The following CACNA2D3 variants were observed in gnomAD, a reference collection of about 807,000 sequenced individuals.
CACNA2D3 encodes the protein calcium voltage-gated channel auxiliary subunit alpha2delta 3.
CACNA2D3 carries 60 observed loss-of-function variants against 160.6 expected under a neutral mutation model. The observed-to-expected ratio is 0.37, with a 90% confidence interval of 0.30 to 0.46. The LOEUF is 0.46. Ranked by LOEUF, CACNA2D3 falls within the 20% of genes least tolerant of loss-of-function variation. The pLI, the probability that CACNA2D3 is intolerant of heterozygous loss-of-function variation, is 1.00. For missense variants in CACNA2D3, 1,205 were observed against 1,365.0 expected (o/e 0.88, Z 1.85); for synonymous variants, 558 against 492.9 (o/e 1.13, Z -1.75).
intron 2 of CACNA2D3, among the ~76,000 whole-genome samples, chr3:54,153,115 C>T (rs936720195): frequency 6.6e-6 from 1 of 152,154 alleles, no homozygotes; most frequent in African/African-American, 2.4e-5. Flanking sequence ...ATGTGCAGGG[C>T]ACAGGGTATC....
intron 2 of CACNA2D3, among the ~76,000 whole-genome samples, chr3:54,275,971 T>C (rs1370701497): frequency 6.6e-6 from 1 of 152,146 alleles, no homozygotes; most frequent in African/African-American, 2.4e-5. Context: ...GCAGGTTCTT[T>C]TAATACTAAT....
At chr3:54,865,172 A>G (rs1271338076) in intron 17 of CACNA2D3, among the ~76,000 whole-genome samples, 1 of 152,256 alleles carries the variant, frequency 6.6e-6, no homozygotes, top group Non-Finnish European at 1.5e-5. Flanking sequence ...TGAAAAGTGA[A>G]AACAGTAACT....
intron 4 of CACNA2D3, among the ~76,000 whole-genome samples, chr3:54,436,852 G>A (rs764676782): frequency 1.3e-5 from 2 of 152,042 alleles, no homozygotes; most frequent in African/African-American, 4.8e-5. Context: ...CCTAGATGAC[G>A]GGTTGATACA....
chr3:54,811,600 C>T (rs774475343), intron 13 of CACNA2D3, among the ~76,000 whole-genome samples: 11 of 150,280 alleles, frequency 7.3e-5, no homozygotes, highest in Admixed American at 3.3e-4. Context: ...CAGGTACAAG[C>T]GATTCTCCTG....
chr3:54,185,943 C>T (rs544554010), intron 2 of CACNA2D3, among the ~76,000 whole-genome samples: 1 of 152,280 alleles, frequency 6.6e-6, no homozygotes, highest in South Asian at 2.1e-4. Flanking sequence ...GCATCTCTCC[C>T]TCAGAGGTTT....
At chr3:54,245,312 T>G (rs541933034) in intron 2 of CACNA2D3, among the ~76,000 whole-genome samples, 6 of 151,996 alleles carry the variant, frequency 3.9e-5, no homozygotes, top group South Asian at 4.1e-4. Context: ...TGTATGGGTG[T>G]GTGTGTGTGT....
At chr3:54,675,768 A>C (rs1275326179) in intron 11 of CACNA2D3, among the ~76,000 whole-genome samples, 3 of 152,192 alleles carry the variant, frequency 2.0e-5, no homozygotes, top group Non-Finnish European at 2.9e-5. Context: ...TACTGCTTCT[A>C]GTGCACCCCT....
chr3:54,673,419 T>C (rs599573), intron 11 of CACNA2D3, among the ~76,000 whole-genome samples: 125,908 of 152,132 alleles, frequency 0.83, 53,970 homozygotes, highest in Non-Finnish European at 0.94. Context: ...CCCAAACTTA[T>C]CTGATCAGGA....
Position 55,073,865 on chromosome 3 carries a change from T to G in CACNA2D3, c.3183+6T>G, listed in dbSNP as rs542512707. ...GTCATGGCTTCCATCCTGAGGTAAG[T>G]CTGAGAACTGTTCCTGTTTCCTTTT... On this transcript the variant is annotated splice_donor_region_variant and intron_variant, in intron 37 of 37. Coordinates refer to ENST00000474759, the MANE Select transcript of CACNA2D3 (RefSeq NM_018398.3). 1 of 1,610,642 alleles carries G rather than the reference T, an allele frequency of 6.2e-7. No individual in the cohort carries two copies. Among genetic ancestry groups the G allele is most frequent in the South Asian group, 1.1e-5 (1 of 90,856 alleles).
intron 27 of CACNA2D3, among the ~76,000 whole-genome samples, chr3:54,967,357 C>T (rs886941242): frequency 1.3e-5 from 2 of 152,060 alleles, no homozygotes; most frequent in African/African-American, 2.4e-5. Flanking sequence ...TATAGTGGCA[C>T]GCAAAATTTT....
intron 29 of CACNA2D3, among the ~76,000 whole-genome samples, 185 bp from the exon 30 acceptor site, chr3:54,984,423 C>G (rs376933083): frequency 2.6e-5 from 4 of 152,048 alleles, no homozygotes; most frequent in African/African-American, 9.7e-5. Context: ...AAGTAAACAC[C>G]GGGGTTATCT....
At chr3:54,228,236 T>A (rs762332781) in intron 2 of CACNA2D3, among the ~76,000 whole-genome samples, 6 of 152,172 alleles carry the variant, frequency 3.9e-5, no homozygotes, top group Non-Finnish European at 8.8e-5. Context: ...AAGGTTCAGT[T>A]TGGCTTCCTT....
intron 11 of CACNA2D3, among the ~76,000 whole-genome samples, chr3:54,727,794 A>G (rs1701306342): frequency 6.6e-6 from 1 of 152,156 alleles, no homozygotes; most frequent in Admixed American, 6.5e-5. Flanking sequence ...ACATTAGGAG[A>G]AATACCTAAT....
intron 37 of CACNA2D3, 27 bp from the exon 38 acceptor site, chr3:55,074,087 C>G: frequency 6.3e-7 from 1 of 1,596,582 alleles, no homozygotes; most frequent in South Asian, 1.1e-5. Flanking sequence ...CTATTTCCGT[C>G]TAACCAACCC....
At chr3:54,769,851 CTT>C (rs778051669) in intron 13 of CACNA2D3, among the ~76,000 whole-genome samples, 1 of 152,090 alleles carries the variant, frequency 6.6e-6, no homozygotes, top group Non-Finnish European at 1.5e-5. Flanking sequence ...TAACGATACT[CTT>C]TAATTCTTTG....
intron 2 of CACNA2D3, among the ~76,000 whole-genome samples, chr3:54,157,074 A>T (rs1398608584): frequency 6.6e-6 from 1 of 152,202 alleles, no homozygotes; most frequent in Non-Finnish European, 1.5e-5. Flanking sequence ...CTGGAAGTCC[A>T]AGGTCAAGGT....
intron 4 of CACNA2D3, among the ~76,000 whole-genome samples, chr3:54,498,818 AT>A (rs1235966677): frequency 1.3e-5 from 2 of 151,628 alleles, no homozygotes; most frequent in Non-Finnish European, 2.9e-5. Flanking sequence ...TTCCCATGTC[AT>A]TTTTTTCCTT....
At chr3:54,993,022 C>T (rs182008453) in intron 31 of CACNA2D3, among the ~76,000 whole-genome samples, 2 of 152,248 alleles carry the variant, frequency 1.3e-5, no homozygotes, top group Non-Finnish European at 2.9e-5. Context: ...TGAGCACTCA[C>T]TCACTATCAC....
rs1449114812 is a variant in CACNA2D3, at chr3:54,321,754, G to A, written c.321+1196G>A. On this transcript the variant is annotated intron_variant, in intron 3 of 37. Transcript: ENST00000474759. Reference sequence around the variant, plus strand: ...CGCCTTGCTTTCAGTGTCCTGGAGTGTGTTTCCTTAATGTGAATTCCAGAA... The same window carrying A: ...CGCCTTGCTTTCAGTGTCCTGGAGTATGTTTCCTTAATGTGAATTCCAGAA... 3.9e-5 allele frequency among the ~76,000 whole-genome samples: 6 copies of A among 152,236 alleles called. No individual in the cohort carries two copies. In the South Asian group the frequency reaches 1.0e-3, roughly 26 times the overall value.
Sources: allele counts gnomAD v4.1 joint callset (sites outside exome capture counted in the v4.1 genomes callset), GRCh38; gene constraint gnomAD v4.1.1; transcripts MANE v1.5; gene names NCBI Gene and HGNC (gene_info 2026-07-23, HGNC 2026-07-21).